CDHR3: variants seen among roughly 807,000 people sequenced by gnomAD.
The protein encoded by CDHR3 is cadherin related family member 3, also known as cadherin-related family member 3.
A neutral mutation model predicts 86.6 loss-of-function variants in CDHR3; 79 were observed. The ratio of observed to expected loss-of-function variants is 0.91; its 90% CI spans 0.76 to 1.10. The LOEUF (loss-of-function observed/expected upper bound fraction) is 1.10, where lower values mean the gene tolerates loss of function less well. CDHR3 is among the 50% of genes least tolerant of loss of function. The pLI is 0.00. For missense variants in CDHR3, 1,081 were observed against 1,077.6 expected (o/e 1.00, Z -0.04); for synonymous variants, 421 against 402.4 (o/e 1.05, Z -0.55).
chr7:106,001,966 A>G (rs1833261619), intron 7 of CDHR3, among the ~76,000 whole-genome samples: 1 of 152,202 alleles, frequency 6.6e-6, no homozygotes, highest in Non-Finnish European at 1.5e-5. Context: ...AGTTGGTTGA[A>G]TCTGAGGATG....
intron 12 of CDHR3, among the ~76,000 whole-genome samples, chr7:106,019,372 C>T (rs1438331947): frequency 6.7e-6 from 1 of 150,164 alleles, no homozygotes; most frequent in Non-Finnish European, 1.5e-5. Context: ...GAGATAATTG[C>T]AGTGTTTGTT....
chr7:105,973,547 G>A (rs2115632840), intron 1 of CDHR3, among the ~76,000 whole-genome samples: 1 of 152,186 alleles, frequency 6.6e-6, no homozygotes, highest in African/African-American at 2.4e-5. Flanking sequence ...ATTATATCAT[G>A]GCCTTTTCCC....
chr7:106,018,041 C>A lies in CDHR3; in HGVS notation c.1622C>A (p.Ala541Asp), dbSNP rs375707208. ...CCCATCTATATTCTCAGAATCCAGG[C>A]CACCAACAACGAAGACACAAGCTCT... ...TTPIYILRIQ[A>D]TNNEDTSSVT... The change falls in exon 12 of 19, where the codon GCC (alanine) becomes GAC (aspartate). Residue 541 changes from alanine to aspartate, a missense_variant. Transcript: ENST00000317716. 5.6e-6 allele frequency: 9 copies of A among 1,613,736 alleles called. No individual in the cohort carries two copies. The African/African-American group carries it at 1.1e-4, about 19-fold the overall frequency.
chr7:106,013,383 G>A (rs555641576), intron 9 of CDHR3, among the ~76,000 whole-genome samples: 2 of 152,286 alleles, frequency 1.3e-5, no homozygotes, highest in Non-Finnish European at 1.5e-5. Flanking sequence ...GAGCTGTGAG[G>A]TGAGAGAAAG....
chr7:106,015,416 T>C (rs1374389704), intron 10 of CDHR3, among the ~76,000 whole-genome samples: 1 of 152,074 alleles, frequency 6.6e-6, no homozygotes, highest in Non-Finnish European at 1.5e-5. Flanking sequence ...CTTCCTTGGT[T>C]AAAGCCTTCG....
At chr7:106,017,028 T>C (rs1200414381) in intron 11 of CDHR3, among the ~76,000 whole-genome samples, 2 of 152,162 alleles carry the variant, frequency 1.3e-5, no homozygotes, top group East Asian at 3.8e-4. Flanking sequence ...ACCAACAATA[T>C]TTGTAAAAAT....
intron 4 of CDHR3, 55 bp downstream of exon 4, chr7:105,984,344 G>C: frequency 1.4e-6 from 2 of 1,400,874 alleles, no homozygotes; most frequent in South Asian, 2.6e-5. Context: ...TTAGACACAG[G>C]AGCCTGCTGT....
intron 7 of CDHR3, among the ~76,000 whole-genome samples, chr7:106,004,196 G>C (rs1833622107): frequency 6.6e-6 from 1 of 152,148 alleles, no homozygotes; most frequent in Admixed American, 6.5e-5. Context: ...TCTCCAATAA[G>C]AGAGCCCTCT....
intron 14 of CDHR3, 89 bp downstream of exon 14, chr7:106,022,537 G>T (rs1836733934): frequency 1.3e-5 from 20 of 1,526,390 alleles, no homozygotes; most frequent in Non-Finnish European, 1.8e-5. Context: ...GGTATGTGGG[G>T]TGGACTGAAG....
chr7:106,017,606 C>CACAT (rs1835857627), intron 11 of CDHR3, among the ~76,000 whole-genome samples: 2 of 148,652 alleles, frequency 1.3e-5, no homozygotes, highest in East Asian at 3.9e-4. Flanking sequence ...CACACACACA[C>CACAT]ACAAAGATAT....
chr7:106,027,197 C>T (rs1384434803), intron 16 of CDHR3, among the ~76,000 whole-genome samples: 1 of 152,030 alleles, frequency 6.6e-6, no homozygotes, highest in Non-Finnish European at 1.5e-5. Flanking sequence ...GAGTTTGAGA[C>T]CAGCCTGGCC....
chr7:106,027,356 C>T (rs998656482), intron 16 of CDHR3, among the ~76,000 whole-genome samples: 1 of 151,424 alleles, frequency 6.6e-6, no homozygotes, highest in African/African-American at 2.4e-5. Flanking sequence ...AAGATCACGC[C>T]ACTGCACTCC....
chr7:106,023,550 C>T (rs1193212815), intron 14 of CDHR3, among the ~76,000 whole-genome samples: 4 of 151,710 alleles, frequency 2.6e-5, no homozygotes, highest in Non-Finnish European at 5.9e-5. Flanking sequence ...CCTCCTCTTC[C>T]TCCTCCTCCT....
intron 13 of CDHR3, among the ~76,000 whole-genome samples, chr7:106,021,128 C>T (rs1836499243): frequency 6.6e-6 from 1 of 152,166 alleles, no homozygotes; most frequent in South Asian, 2.1e-4. Flanking sequence ...TTCTCTTCTG[C>T]TCCATTCATC....
intron 6 of CDHR3, 63 bp downstream of exon 6, chr7:105,996,417 C>G (rs1203052311): frequency 1.2e-6 from 1 of 867,444 alleles, no homozygotes; most frequent in African/African-American, 1.7e-5. Flanking sequence ...GCGGCCTCGT[C>G]TCCTCCGGCA....
chr7:105,980,607 A>ATTTTTTTTTTTTTATTTTTTTTT (rs1829541166), intron 2 of CDHR3, among the ~76,000 whole-genome samples: 1 of 98,524 alleles, frequency 1.0e-5, no homozygotes, highest in Non-Finnish European at 2.0e-5. Flanking sequence ...TTTTTTTTTA[A>ATTTTTTTTTTTTTATTTTTTTTT]TTTTTTTTTT....
At chr7:105,965,571 C>T (rs1417689868) in intron 1 of CDHR3, among the ~76,000 whole-genome samples, 1 of 112,394 alleles carries the variant, frequency 8.9e-6, no homozygotes, top group Non-Finnish European at 1.9e-5. Context: ...AGCCCCACCC[C>T]CCCCCATGGA....
At chr7:105,969,352 A>G (rs1178385958) in intron 1 of CDHR3, among the ~76,000 whole-genome samples, 4 of 128,920 alleles carry the variant, frequency 3.1e-5, no homozygotes, top group Non-Finnish European at 6.3e-5. Context: ...GTGAGCCGAG[A>G]TTGCGCCACT....
At chr7:105,991,327 C>T (rs766293112) in intron 4 of CDHR3, among the ~76,000 whole-genome samples, 5 of 151,984 alleles carry the variant, frequency 3.3e-5, no homozygotes, top group Non-Finnish European at 7.4e-5. Context: ...AAGTACAAAA[C>T]TGCTATTCCC....
Sources: gnomAD v4.1 joint callset for allele counts (sites outside exome capture counted in the v4.1 genomes callset) on GRCh38, gnomAD v4.1.1 for gene constraint, MANE v1.5 for transcripts, NCBI Gene and HGNC (gene_info 2026-07-23, HGNC 2026-07-21) for gene names.